OR6N1: variants seen among roughly 807,000 people sequenced by gnomAD.
OR6N1 encodes the protein olfactory receptor 6N1.
For missense variants in OR6N1, 394 were observed against 371.7 expected, an observed-to-expected ratio of 1.06 and a Z score of -0.49; for synonymous variants, 170 against 150.7, an observed-to-expected ratio of 1.13 and a Z score of -0.94.
At chr1:158,793,383 C>A in the OR6N1 span, among the ~76,000 whole-genome samples, 1 of 151,960 alleles carries the variant, frequency 6.6e-6, no homozygotes, top group Non-Finnish European at 1.5e-5. Context: ...TTTCTGGGTT[C>A]CTTCACATTT....
chr1:158,797,560 C>G, the OR6N1 span, among the ~76,000 whole-genome samples: 50 of 152,092 alleles, frequency 3.3e-4, 2 homozygotes, highest in South Asian at 0.01. Context: ...GGTAGTGGAG[C>G]CAGGTTGCTT....
chr1:158,805,471 C>G, the OR6N1 span, among the ~76,000 whole-genome samples: 1 of 152,118 alleles, frequency 6.6e-6, no homozygotes, highest in African/African-American at 2.4e-5. Flanking sequence ...ACAGAAAGGC[C>G]ACTTACTGCT....
rs1657190458 is a variant in OR6N1 at position 158,764,431 on chromosome 1, A to G, written c.*1313T>C. The stretch of plus-strand genomic sequence containing the variant: ...TCTTTTAAAACACCCTAAAGGTAGG[A>G]CCTGGACATATATATGTCTTGTTCA... On this transcript the variant is annotated 3_prime_UTR_variant, in exon 2 of 2. Transcript: ENST00000641846. The G allele has an allele frequency of 6.6e-6, 1 of 151,900 alleles. No individual in the cohort carries two copies. The highest frequency in any genetic ancestry group is 6.6e-5 in the Admixed American group (1 of 15,264). The allele number at this position is 151,900 out of a possible 1,614,324, so 9.4% of individuals were successfully genotyped here.
chr1:158,806,534 C>T, the OR6N1 span, among the ~76,000 whole-genome samples: 1 of 152,170 alleles, frequency 6.6e-6, no homozygotes, highest in African/African-American at 2.4e-5. Flanking sequence ...TATGATCACA[C>T]AGCAAATAAA....
the OR6N1 span, among the ~76,000 whole-genome samples, chr1:158,819,130 G>C: frequency 6.6e-6 from 1 of 152,160 alleles, no homozygotes; most frequent in Non-Finnish European, 1.5e-5. Flanking sequence ...TCTCTTCAGA[G>C]ACCACCCCCT....
chr1:158,778,071 T>C, the OR6N1 span, among the ~76,000 whole-genome samples: 33 of 152,384 alleles, frequency 2.2e-4, no homozygotes, highest in African/African-American at 7.7e-4. Flanking sequence ...TCCCAGGTCA[T>C]AGCTTTTCCT....
the OR6N1 span, among the ~76,000 whole-genome samples, chr1:158,807,766 A>G: frequency 1.4e-4 from 22 of 152,130 alleles, no homozygotes; most frequent in Non-Finnish European, 2.5e-4. Flanking sequence ...GCTTTAATTT[A>G]TCTTCTTTCT....
chr1:158,832,846 T>G, the OR6N1 span, among the ~76,000 whole-genome samples: 2 of 152,086 alleles, frequency 1.3e-5, no homozygotes, highest in African/African-American at 4.8e-5. Flanking sequence ...TTAATCCAAA[T>G]TGAAAATTTT....
the OR6N1 span, among the ~76,000 whole-genome samples, chr1:158,822,615 C>CTG: frequency 6.6e-6 from 1 of 152,118 alleles, no homozygotes; most frequent in Non-Finnish European, 1.5e-5. Flanking sequence ...AAGACAAAGA[C>CTG]TGTGTGGTTC....
chr1:158,832,378 C>G, the OR6N1 span, among the ~76,000 whole-genome samples: 1 of 151,766 alleles, frequency 6.6e-6, no homozygotes, highest in Non-Finnish European at 1.5e-5. Context: ...AAATCTAAAT[C>G]TAAATCTAAG....
At chr1:158,785,271 T>G in the OR6N1 span, among the ~76,000 whole-genome samples, 1 of 152,214 alleles carries the variant, frequency 6.6e-6, no homozygotes, top group South Asian at 2.1e-4. Context: ...TGAAATTCAG[T>G]ATATTTTCCT....
chr1:158,822,381 G>T, the OR6N1 span, among the ~76,000 whole-genome samples: 1 of 152,118 alleles, frequency 6.6e-6, no homozygotes, highest in Admixed American at 6.5e-5. Context: ...ATTTATTTGA[G>T]TAGTGCTTTG....
At chr1:158,790,093 T>C in the OR6N1 span, among the ~76,000 whole-genome samples, 1 of 152,220 alleles carries the variant, frequency 6.6e-6, no homozygotes, top group South Asian at 2.1e-4. Context: ...TGGAAGAGAC[T>C]GTTCTTCCCT....
At chr1:158,777,215 A>G in the OR6N1 span, 8 of 1,614,044 alleles carry the variant, frequency 5.0e-6, no homozygotes, top group African/African-American at 1.1e-4. Context: ...ATCTTGGCAC[A>G]GAGTGTGGTG....
chr1:158,786,379 A>T, the OR6N1 span, among the ~76,000 whole-genome samples: 2 of 152,208 alleles, frequency 1.3e-5, no homozygotes, highest in Non-Finnish European at 2.9e-5. Context: ...AAAAAGGAAC[A>T]TTTTTACACT....
the OR6N1 span, among the ~76,000 whole-genome samples, chr1:158,803,408 A>T: frequency 6.6e-6 from 1 of 152,138 alleles, no homozygotes; most frequent in Non-Finnish European, 1.5e-5. Context: ...AAATTACTGC[A>T]TCTCCCACAG....
At chr1:158,778,764 C>T in the OR6N1 span, among the ~76,000 whole-genome samples, 2 of 151,942 alleles carry the variant, frequency 1.3e-5, no homozygotes, top group African/African-American at 4.8e-5. Flanking sequence ...CCTGTAATCC[C>T]AGCATTTTGG....
chr1:158,790,695 C>A, the OR6N1 span, among the ~76,000 whole-genome samples: 1 of 152,130 alleles, frequency 6.6e-6, no homozygotes, highest in African/African-American at 2.4e-5. Flanking sequence ...TGAGCCACTG[C>A]GCCGGGCCTT....
chr1:158,779,990 T>G, the OR6N1 span, among the ~76,000 whole-genome samples: 1 of 152,224 alleles, frequency 6.6e-6, no homozygotes, highest in Non-Finnish European at 1.5e-5. Flanking sequence ...GGCATAGAAT[T>G]GTGAAATCAA....
Sources: allele counts gnomAD v4.1 joint callset (sites outside exome capture counted in the v4.1 genomes callset), GRCh38; gene constraint gnomAD v4.1.1; transcripts MANE v1.5; gene names NCBI Gene and HGNC (gene_info 2026-07-23, HGNC 2026-07-21).